Variants in LRRC7 observed in about 807,000 individuals in gnomAD.
LRRC7 encodes leucine rich repeat containing 7.
A neutral mutation model predicts 175.7 loss-of-function variants in LRRC7; 23 were observed. That is an observed-to-expected ratio of 0.13 (90% CI 0.09 to 0.19). The LOEUF (loss-of-function observed/expected upper bound fraction) is 0.19, where lower values mean the gene tolerates loss of function less well. Ranked by LOEUF, LRRC7 falls within the 10% of genes least tolerant of loss-of-function variation. The pLI, the probability that LRRC7 is intolerant of heterozygous loss-of-function variation, is 1.00. For synonymous variants in LRRC7, 685 were observed against 680.9 expected (o/e 1.01, Z -0.09); for missense variants, 1,354 against 1,904.7 (o/e 0.71, Z 5.38).
chr1:69,850,156 A>G (rs1228961470), intron 7 of LRRC7, among the ~76,000 whole-genome samples: 1 of 152,020 alleles, frequency 6.6e-6, no homozygotes, highest in Non-Finnish European at 1.5e-5. Context: ...TTTGAATGGT[A>G]GGAATGATGA....
chr1:70,084,773 A>G (rs759703781), intron 24 of LRRC7, among the ~76,000 whole-genome samples: 26 of 152,168 alleles, frequency 1.7e-4, no homozygotes, highest in Non-Finnish European at 3.5e-4. Flanking sequence ...CCGAACAGCA[A>G]TGAATGTGGG....
At chr1:69,849,560 T>C (rs993837384) in intron 7 of LRRC7, among the ~76,000 whole-genome samples, 5 of 151,948 alleles carry the variant, frequency 3.3e-5, no homozygotes, top group African/African-American at 1.2e-4. Flanking sequence ...TTAAAATATA[T>C]GTATTTTAAT....
chr1:69,620,738 T>C (rs543024038), intron 1 of LRRC7, among the ~76,000 whole-genome samples: 1 of 152,356 alleles, frequency 6.6e-6, no homozygotes, highest in East Asian at 1.9e-4. Flanking sequence ...ATTGTTCTCA[T>C]CTTCTCCTAT....
intron 1 of LRRC7, among the ~76,000 whole-genome samples, chr1:69,675,755 G>T (rs12759517): frequency 0.026 from 3,955 of 152,122 alleles, 86 homozygotes; most frequent in Non-Finnish European, 0.044. Context: ...TGATGAAACT[G>T]CAGGGACAGA....
chr1:69,606,139 A>T (rs1647527251), intron 1 of LRRC7, among the ~76,000 whole-genome samples: 1 of 152,136 alleles, frequency 6.6e-6, no homozygotes, highest in African/African-American at 2.4e-5. Context: ...GCATTCACAC[A>T]TTCAGCATTT....
chr1:69,593,827 C>T (rs2100968336), intron 1 of LRRC7, among the ~76,000 whole-genome samples: 1 of 152,266 alleles, frequency 6.6e-6, no homozygotes, highest in Admixed American at 6.5e-5. Context: ...GAGTCTGAAT[C>T]TATGTTCTGT....
At chr1:69,901,170 A>G (rs551679421) in intron 7 of LRRC7, among the ~76,000 whole-genome samples, 1 of 152,310 alleles carries the variant, frequency 6.6e-6, no homozygotes, top group South Asian at 2.1e-4. Flanking sequence ...AGACTAGTGA[A>G]GAGGCTGTTA....
At chr1:69,675,502 G>A (rs954212000) in intron 1 of LRRC7, among the ~76,000 whole-genome samples, 4 of 152,092 alleles carry the variant, frequency 2.6e-5, no homozygotes, top group Admixed American at 2.6e-4. Context: ...GAGTAAAAGT[G>A]TTTTTAAAAA....
At chr1:69,869,965 G>A (rs1477025617) in intron 7 of LRRC7, among the ~76,000 whole-genome samples, 2 of 152,126 alleles carry the variant, frequency 1.3e-5, no homozygotes, top group Admixed American at 6.6e-5. Flanking sequence ...CCATTTTACA[G>A]ATTGCAAAGA....
At chr1:70,025,249 CATTT>C (rs1215222419) in intron 17 of LRRC7, among the ~76,000 whole-genome samples, 1 of 148,614 alleles carries the variant, frequency 6.7e-6, no homozygotes, top group Non-Finnish European at 1.5e-5. Context: ...AATAATTAAT[CATTT>C]ATTTTTAGTG....
chr1:69,861,293 T>A (rs1030691476), intron 7 of LRRC7, among the ~76,000 whole-genome samples: 1 of 152,184 alleles, frequency 6.6e-6, no homozygotes, highest in East Asian at 1.9e-4. Context: ...TTCTAGATAA[T>A]GTTCACAGAT....
intron 7 of LRRC7, chr1:69,920,085 G>T (rs1427749183): frequency 5.3e-5 from 15 of 281,284 alleles, no homozygotes; most frequent in South Asian, 3.4e-4. Context: ...TGGGAGGGAG[G>T]CTCGCAGACC....
intron 7 of LRRC7, chr1:69,873,590 C>G: frequency 2.0e-6 from 1 of 493,404 alleles, no homozygotes; most frequent in Admixed American, 2.1e-5. Flanking sequence ...GGAGCATCAG[C>G]ACGAATAGAC....
chr1:69,700,625 C>T (rs556857692), intron 2 of LRRC7, among the ~76,000 whole-genome samples: 3 of 152,174 alleles, frequency 2.0e-5, no homozygotes, highest in South Asian at 4.1e-4. Flanking sequence ...AAGAAAATGA[C>T]GTAGGAGCTT....
intron 7 of LRRC7, among the ~76,000 whole-genome samples, chr1:69,855,421 T>C (rs1683484253): frequency 6.6e-6 from 1 of 152,176 alleles, no homozygotes; most frequent in African/African-American, 2.4e-5. Flanking sequence ...TCAGTTTCCA[T>C]GTAGTTGAGC....
chr1:70,123,818 G>A lies in LRRC7; in HGVS notation c.*1931G>A, dbSNP rs1666320261. Among the ~76,000 whole-genome samples the A allele has an allele frequency of 6.6e-6, 1 of 152,074 alleles. No individual in the cohort carries two copies. The highest frequency in any genetic ancestry group is 1.9e-4 in the East Asian group (1 of 5,190). On this transcript the variant is annotated 3_prime_UTR_variant, in exon 27 of 27. Coordinates refer to ENST00000651989, the MANE Select transcript of LRRC7 (RefSeq NM_001370785.2). Reference sequence around the variant, plus strand: ...TTAATCAAGACAGAGGCCTTTACTGGCCTCATAAGATCACTTAAAGAAAAA... The same window carrying A: ...TTAATCAAGACAGAGGCCTTTACTGACCTCATAAGATCACTTAAAGAAAAA...
At chr1:70,039,814 T>TAA (rs1659705536) in intron 21 of LRRC7, 21 bp downstream of exon 21, 1 of 1,547,486 alleles carries the variant, frequency 6.5e-7, no homozygotes, top group Non-Finnish European at 8.7e-7. Context: ...TGTTTCTCTG[T>TAA]AAGAATATCC....
intron 1 of LRRC7, among the ~76,000 whole-genome samples, chr1:69,623,677 C>T (rs748321134): frequency 5.9e-5 from 9 of 151,620 alleles, no homozygotes; most frequent in Non-Finnish European, 1.3e-4. Flanking sequence ...CAGCCTCCCG[C>T]GTAGCTGGGA....
In LRRC7 at chr1:70,142,038, T is replaced by C. The variant is rs1667081692; in HGVS notation, c.*20151T>C. 6.6e-6 allele frequency: 1 copy of C among 152,136 alleles called. No homozygotes were observed. Among genetic ancestry groups the C allele is most frequent in the African/African-American group, 2.4e-5 (1 of 41,446 alleles). The allele number at this position is 152,136 out of a possible 1,614,324, so 9.4% of individuals were successfully genotyped here. A position where few individuals can be genotyped will look rare whatever the true frequency, so the allele number is the denominator to read the frequency against. On this transcript the variant is annotated 3_prime_UTR_variant, in exon 27 of 27. Transcript: ENST00000651989. ...ACCCTCTACTAAAGAATATTTCTTATTTAGTCAGGAAATCTTATGTAATAT... is the reference window on the plus strand; with the variant it reads ...ACCCTCTACTAAAGAATATTTCTTACTTAGTCAGGAAATCTTATGTAATAT...
Sources: gnomAD v4.1 joint callset for allele counts (sites outside exome capture counted in the v4.1 genomes callset) on GRCh38, gnomAD v4.1.1 for gene constraint, MANE v1.5 for transcripts, NCBI Gene and HGNC (gene_info 2026-07-23, HGNC 2026-07-21) for gene names.